The following ICA1L variants were observed in gnomAD, a reference collection of about 807,000 sequenced individuals.
ICA1L encodes islet cell autoantigen 1 like, also known as islet cell autoantigen 1-like protein.
ICA1L carries 50 observed loss-of-function variants against 61.3 expected under a neutral mutation model. The ratio of observed to expected loss-of-function variants is 0.82; its 90% CI spans 0.65 to 1.03. The LOEUF (loss-of-function observed/expected upper bound fraction) is 1.03. Among genes scored for constraint, ICA1L ranks in the 50% least tolerant of loss-of-function variants. The pLI is 0.00. For missense variants in ICA1L, 508 were observed against 556.7 expected, an observed-to-expected ratio of 0.91 and a Z score of 0.88; for synonymous variants, 161 against 191.3, an observed-to-expected ratio of 0.84 and a Z score of 1.31.
At chr2:202,827,171 A>C (rs1234282876) in intron 2 of ICA1L, among the ~76,000 whole-genome samples, 1 of 152,264 alleles carries the variant, frequency 6.6e-6, no homozygotes, top group East Asian at 1.9e-4. Flanking sequence ...AGGCGGGTGG[A>C]TCGCCTGAGG....
chr2:202,800,319 G>A (rs1559131732), intron 9 of ICA1L, among the ~76,000 whole-genome samples: 1 of 152,102 alleles, frequency 6.6e-6, no homozygotes, highest in Non-Finnish European at 1.5e-5. Flanking sequence ...ATACTCTTTT[G>A]TGATCAAAAC....
intron 10 of ICA1L, among the ~76,000 whole-genome samples, chr2:202,796,410 A>C (rs1401793488): frequency 6.6e-6 from 1 of 152,262 alleles, no homozygotes; most frequent in African/African-American, 2.4e-5. Flanking sequence ...TATTCAAGGT[A>C]GTTATTTAAT....
chr2:202,800,700 G>A (rs1384046649), intron 9 of ICA1L, among the ~76,000 whole-genome samples: 4 of 152,148 alleles, frequency 2.6e-5, no homozygotes, highest in Admixed American at 2.6e-4. Context: ...GCTGTATAGA[G>A]AGCTTAAAGG....
chr2:202,785,347 A>G (rs1466183530), intron 12 of ICA1L, among the ~76,000 whole-genome samples: 1 of 152,190 alleles, frequency 6.6e-6, no homozygotes, highest in Non-Finnish European at 1.5e-5. Context: ...TACATCCATT[A>G]CCAACAAACC....
intron 1 of ICA1L, among the ~76,000 whole-genome samples, chr2:202,835,101 G>A (rs1265500107): frequency 6.6e-6 from 1 of 151,606 alleles, no homozygotes; most frequent in African/African-American, 2.4e-5. Flanking sequence ...TATGATGTAT[G>A]ACATAATGTT....
rs1692119672 is a variant in ICA1L at position 202,773,527 on chromosome 2, G to A, written c.*6006C>T. The stretch of plus-strand genomic sequence containing the variant: ...CTTCTGATAAAGCAGTTATGTCAGA[G>A]CCTTCAAAAAACACGGGCAGAACAA... On this transcript the variant is annotated 3_prime_UTR_variant, in exon 13 of 13. Coordinates refer to ENST00000358299, the MANE Select transcript of ICA1L (RefSeq NM_001288622.3). The A allele has an allele frequency of 2.8e-6, 1 of 357,266 alleles. No homozygotes were observed. The highest frequency in any genetic ancestry group is 2.1e-5 in the African/African-American group (1 of 48,310). The allele number at this position is 357,266 out of a possible 1,614,324, so 22.1% of individuals were successfully genotyped here.
At chr2:202,803,268 G>A (rs906210793) in intron 9 of ICA1L, among the ~76,000 whole-genome samples, 3 of 151,932 alleles carry the variant, frequency 2.0e-5, no homozygotes, top group Non-Finnish European at 4.4e-5. Context: ...GGGTGTGGTG[G>A]TGGGTGCCTG....
At chr2:202,855,618 G>C (rs1247586793) in intron 1 of ICA1L, among the ~76,000 whole-genome samples, 1 of 152,114 alleles carries the variant, frequency 6.6e-6, no homozygotes, top group Non-Finnish European at 1.5e-5. Flanking sequence ...ACCAATAACT[G>C]TGAGCCACTG....
intron 2 of ICA1L, among the ~76,000 whole-genome samples, chr2:202,826,770 G>C (rs954308524): frequency 2.0e-5 from 3 of 149,874 alleles, no homozygotes; most frequent in Non-Finnish European, 4.5e-5. Context: ...TTTTAGCAAG[G>C]CCTGTCTGTT....
intron 1 of ICA1L, among the ~76,000 whole-genome samples, chr2:202,862,272 CAAAAAAAAAAAAAA>C (rs778355110): frequency 0.012 from 766 of 63,006 alleles, 29 homozygotes; most frequent in Non-Finnish European, 0.013. Context: ...CTCATTTCTA[CAAAAAAAAAAAAAA>C]AAAAAAAAAA....
intron 1 of ICA1L, among the ~76,000 whole-genome samples, chr2:202,860,431 G>A (rs1009715108): frequency 6.6e-6 from 1 of 152,020 alleles, no homozygotes; most frequent in African/African-American, 2.4e-5. Flanking sequence ...GGATAGACAA[G>A]TACAACCCAA....
chr2:202,786,500 G>C (rs1692586298), intron 11 of ICA1L, among the ~76,000 whole-genome samples: 1 of 152,062 alleles, frequency 6.6e-6, no homozygotes, highest in African/African-American at 2.4e-5. Context: ...AGTGAGCCGA[G>C]ATTGCGCCAC....
At chr2:202,804,662 A>G (rs1468370747) in intron 9 of ICA1L, among the ~76,000 whole-genome samples, 1 of 152,230 alleles carries the variant, frequency 6.6e-6, no homozygotes, top group African/African-American at 2.4e-5. Flanking sequence ...ACAAATAACA[A>G]GCTTGATTTA....
intron 1 of ICA1L, among the ~76,000 whole-genome samples, chr2:202,845,562 G>C (rs1394870751): frequency 6.6e-6 from 1 of 151,692 alleles, no homozygotes; most frequent in Non-Finnish European, 1.5e-5. Context: ...GGGAAGCGGA[G>C]GCTGAAGTAA....
In ICA1L at chr2:202,817,434, G is replaced by C; in HGVS notation, c.668C>G (p.Ser223Trp). ...GASRCNMLSH[S>W]LTTYQRTLLG... ...GGTGGGTACCTGGTAGGTAGTGAGC[G>C]AATGAGATAGCATATTGCAGCGACT... Residue 223 changes from serine to tryptophan, a missense_variant, in exon 6 of 13, where the codon TCG becomes TGG. Transcript: ENST00000358299. 6.2e-7 allele frequency: 1 copy of C among 1,601,964 alleles called. No homozygotes were observed. The highest frequency in any genetic ancestry group is 8.5e-7 in the Non-Finnish European group (1 of 1,173,224).
At chr2:202,797,384 C>T (rs1367946586) in intron 9 of ICA1L, among the ~76,000 whole-genome samples, 1 of 152,146 alleles carries the variant, frequency 6.6e-6, no homozygotes, top group Non-Finnish European at 1.5e-5. Flanking sequence ...ATATGGCCTA[C>T]AATTTTATTA....
intron 10 of ICA1L, among the ~76,000 whole-genome samples, chr2:202,789,390 G>C (rs1035776774): frequency 2.0e-5 from 3 of 152,046 alleles, no homozygotes; most frequent in Admixed American, 6.6e-5. Flanking sequence ...TTAATAATAC[G>C]AGACTTTAAT....
intron 9 of ICA1L, among the ~76,000 whole-genome samples, chr2:202,797,457 A>G (rs1175625019): frequency 6.6e-6 from 1 of 152,222 alleles, no homozygotes; most frequent in African/African-American, 2.4e-5. Flanking sequence ...TATATGTAAT[A>G]CATTGCGAAA....
At chr2:202,792,013 C>T (rs573292552) in intron 10 of ICA1L, among the ~76,000 whole-genome samples, 2 of 151,722 alleles carry the variant, frequency 1.3e-5, no homozygotes, top group Non-Finnish European at 2.9e-5. Flanking sequence ...ACTAAAAATA[C>T]AAAAATTAGC....
Sources: gnomAD v4.1 joint callset for allele counts (sites outside exome capture counted in the v4.1 genomes callset) on GRCh38, gnomAD v4.1.1 for gene constraint, MANE v1.5 for transcripts, NCBI Gene and HGNC (gene_info 2026-07-23, HGNC 2026-07-21) for gene names.